Variants in ALDH3B2 observed in about 807,000 individuals in gnomAD.
ALDH3B2 encodes the protein aldehyde dehydrogenase family 3 member B2.
Under a neutral mutation model 36.7 loss-of-function variants are expected in ALDH3B2, and 45 were observed. The ratio of observed to expected loss-of-function variants is 1.23; its 90% CI spans 0.97 to 1.57. ALDH3B2 has a LOEUF of 1.57. Ranked by LOEUF, ALDH3B2 falls within the 40% of genes most tolerant of loss-of-function variation. ALDH3B2 has a pLI of 0.00. For synonymous variants in ALDH3B2, 217 were observed against 226.5 expected (o/e 0.96, Z 0.38); for missense variants, 464 against 513.3 (o/e 0.90, Z 0.93).
upstream of ALDH3B2, among the ~76,000 whole-genome samples, chr11:67,679,691 ATGGCG>A (rs964358919): frequency 1.1e-4 from 16 of 150,070 alleles, no homozygotes; most frequent in Admixed American, 2.0e-4. Flanking sequence ...AGGCAGGAGA[ATGGCG>A]TGAAAAAAAA....
At chr11:67,665,742 T>A (rs1224282880) in intron 6 of ALDH3B2, 71 bp from the exon 7 acceptor site, 3 of 1,536,052 alleles carry the variant, frequency 2.0e-6, no homozygotes, top group Non-Finnish European at 2.6e-6. Flanking sequence ...GCCCAGAGCC[T>A]GCTCCTCCCT....
At chr11:67,674,983 C>T (rs185070568), upstream of ALDH3B2, among the ~76,000 whole-genome samples, 1 of 152,286 alleles carries the variant, frequency 6.6e-6, no homozygotes, top group African/African-American at 2.4e-5. Context: ...CCCATGCCCC[C>T]CATGGCCCCT....
At chr11:67,663,675 T>A in exon 9 of ALDH3B2, 2 of 1,610,552 alleles carry the variant, frequency 1.2e-6, no homozygotes, top group Non-Finnish European at 1.7e-6. Context: ...CTCCCCCGAA[T>A]GGCACGGACA....
exon 10 of ALDH3B2, chr11:67,662,981 T>C (rs962702683): frequency 2.6e-5 from 14 of 532,812 alleles, no homozygotes; most frequent in African/African-American, 2.5e-4. Context: ...GTGGGGTGAG[T>C]GAGGACACCT....
chr11:67,664,594 GC>G, intron 7 of ALDH3B2, 32 bp from the exon 8 acceptor site: 1 of 1,609,594 alleles, frequency 6.2e-7, no homozygotes. Context: ...CAGCCCTGGG[GC>G]CACAGTCAGG....
intron 5 of ALDH3B2, 34 bp from the exon 6 acceptor site, chr11:67,666,237 C>CA (rs1565247040): frequency 7.4e-6 from 12 of 1,613,000 alleles, no homozygotes; most frequent in South Asian, 3.3e-5. Flanking sequence ...GGGGCGGGCT[C>CA]GGGGCCAGCC....
upstream of ALDH3B2, among the ~76,000 whole-genome samples, chr11:67,676,481 C>T (rs1591150511): frequency 6.6e-6 from 1 of 151,832 alleles, no homozygotes; most frequent in African/African-American, 2.4e-5. Flanking sequence ...AAGTTCATAG[C>T]CCTAAATGCC....
At position 67,666,117 on chromosome 11, in the gene ALDH3B2, CT is replaced by C. The variant is rs1403649659; in HGVS notation, c.319+4del. ...TACTCTGGGACCCTGGCCTGGCCCCCTCACCTGTGAAGAAGATGTAGTCCAA... is the reference window on the plus strand; with the variant it reads ...TACTCTGGGACCCTGGCCTGGCCCCCCACCTGTGAAGAAGATGTAGTCCAA... On this transcript the variant is annotated splice_donor_region_variant and intron_variant, in intron 6 of 9. Transcript: ENST00000349015. 6.2e-7 allele frequency: 1 copy of C among 1,614,132 alleles called. No homozygotes were observed. Among genetic ancestry groups the C allele is most frequent in the Non-Finnish European group, 8.5e-7 (1 of 1,179,996 alleles).
At chr11:67,679,792 T>A (rs912986789) in intron 1 of ALDH3B2, among the ~76,000 whole-genome samples, 1 of 151,984 alleles carries the variant, frequency 6.6e-6, no homozygotes, top group Non-Finnish European at 1.5e-5. Flanking sequence ...ACCAATCAAA[T>A]CTTGCTGCAT....
chr11:67,664,618 G>C (rs1425905999), intron 7 of ALDH3B2, 56 bp from the exon 8 acceptor site: 1 of 1,597,722 alleles, frequency 6.3e-7, no homozygotes, highest in Non-Finnish European at 8.5e-7. Flanking sequence ...TGCCCCCAGG[G>C]GTAGGGTAGA....
chr11:67,664,087 C>T, intron 8 of ALDH3B2: 1 of 559,358 alleles, frequency 1.8e-6, no homozygotes, highest in East Asian at 3.1e-5. Flanking sequence ...CTATCAGGCC[C>T]CTGCTCTGCT....
intron 1 of ALDH3B2, among the ~76,000 whole-genome samples, chr11:67,671,545 CCCCTTTT>C (rs1856113270): frequency 1.3e-5 from 2 of 149,886 alleles, no homozygotes; most frequent in Non-Finnish European, 3.0e-5. Context: ...CTGCCTCCCC[CCCCTTTT>C]TTTTTTTTTT....
At chr11:67,671,330 CG>C (rs1251013611) in intron 1 of ALDH3B2, 40 of 152,290 alleles carry the variant, frequency 2.6e-4, no homozygotes, top group African/African-American at 8.2e-4. Flanking sequence ...ATCTGCCTGA[CG>C]GATGAGGAAA....
At chr11:67,668,417 G>A (rs1855980944) in intron 1 of ALDH3B2, among the ~76,000 whole-genome samples, 1 of 152,192 alleles carries the variant, frequency 6.6e-6, no homozygotes, top group Non-Finnish European at 1.5e-5. Context: ...GGACCCTGGG[G>A]GTGGGGGAAG....
chr11:67,677,232 C>T (rs562897337), upstream of ALDH3B2, among the ~76,000 whole-genome samples: 3 of 152,114 alleles, frequency 2.0e-5, no homozygotes, highest in South Asian at 2.1e-4. Flanking sequence ...GAATTCAACA[C>T]CATATCAAAA....
intron 3 of ALDH3B2, 71 bp from the exon 4 acceptor site, chr11:67,666,765 C>T (rs1162823044): frequency 1.9e-6 from 3 of 1,607,130 alleles, no homozygotes; most frequent in Non-Finnish European, 2.6e-6. Flanking sequence ...ACACTTGGGG[C>T]CTCAGCTCCC....
upstream of ALDH3B2, among the ~76,000 whole-genome samples, chr11:67,677,789 AG>A (rs1856297620): frequency 6.6e-6 from 1 of 152,212 alleles, no homozygotes; most frequent in South Asian, 2.1e-4. Flanking sequence ...ACAAATCAGT[AG>A]CTCTTCTATC....
chr11:67,679,209 T>C (rs1237635612), upstream of ALDH3B2, among the ~76,000 whole-genome samples: 1 of 152,202 alleles, frequency 6.6e-6, no homozygotes, highest in Admixed American at 6.5e-5. Context: ...GGCTCACATC[T>C]GTAATTCCAG....
chr11:67,672,953 C>T (rs1268095719), intron 1 of ALDH3B2, among the ~76,000 whole-genome samples: 15 of 132,466 alleles, frequency 1.1e-4, no homozygotes, highest in East Asian at 2.2e-4. Context: ...TTTTTTGAGA[C>T]GGAGTCTCAC....
Sources: allele counts gnomAD v4.1 joint callset (sites outside exome capture counted in the v4.1 genomes callset), GRCh38; gene constraint gnomAD v4.1.1; transcripts MANE v1.5; gene names NCBI Gene and HGNC (gene_info 2026-07-23, HGNC 2026-07-21).